The following MAP3K5 variants were observed in gnomAD, a reference collection of about 807,000 sequenced individuals.
The protein encoded by MAP3K5 is ASK-1.
A neutral mutation model predicts 158.7 loss-of-function variants in MAP3K5; 56 were observed. The ratio of observed to expected loss-of-function variants is 0.35; its 90% CI spans 0.28 to 0.44. The LOEUF (loss-of-function observed/expected upper bound fraction) is 0.44. MAP3K5 is among the 20% of genes least tolerant of loss of function. The probability of loss-of-function intolerance (pLI) is 1.00; values close to 1 mark genes in which losing one functional copy is unlikely to be tolerated. For synonymous variants in MAP3K5, 579 were observed against 601.7 expected (o/e 0.96, Z 0.55); for missense variants, 1,294 against 1,674.8 (o/e 0.77, Z 3.97).
Position 136,774,367 on chromosome 6 carries a change from T to C in MAP3K5, c.448+17343A>G, listed in dbSNP as rs182307735. 2.2e-3 allele frequency among the ~76,000 whole-genome samples: 331 copies of C among 152,166 alleles called. 2 individuals carry two copies. Among genetic ancestry groups the C allele is most frequent in the African/African-American group, 7.5e-3 (312 of 41,514 alleles). On this transcript the variant is annotated intron_variant, in intron 1 of 29. Transcript: ENST00000359015. ...TACTCAGAAGGCTGAAGTGGGAGGA[T>C]CGCCTGAGCCCAAGGAGGTTACGGC...
At chr6:136,766,680 T>C (rs1783981263) in intron 1 of MAP3K5, among the ~76,000 whole-genome samples, 1 of 152,214 alleles carries the variant, frequency 6.6e-6, no homozygotes, top group Non-Finnish European at 1.5e-5. Flanking sequence ...AGGTTTCATA[T>C]CAGATCAACA....
intron 23 of MAP3K5, among the ~76,000 whole-genome samples, chr6:136,590,503 G>C (rs1429811412): frequency 6.6e-6 from 1 of 151,792 alleles, no homozygotes; most frequent in Non-Finnish European, 1.5e-5. Context: ...CCTGGTAGGG[G>C]CCACTGTCTG....
chr6:136,661,182 A>T (rs549585480), intron 8 of MAP3K5, among the ~76,000 whole-genome samples: 1 of 152,338 alleles, frequency 6.6e-6, no homozygotes, highest in Admixed American at 6.5e-5. Context: ...ATTATCTGTG[A>T]AAGAAACAAA....
Position 136,611,475 on chromosome 6 carries a change from AAAG to A in MAP3K5, c.2416-91_2416-89del, listed in dbSNP as rs756573766. 24 of 687,442 alleles carry A rather than the reference AAAG, an allele frequency of 3.5e-5. No homozygotes were observed. In the East Asian group the frequency reaches 4.8e-4, roughly 14 times the overall value. The allele number at this position is 687,442 out of a possible 1,614,324, so 42.6% of individuals were successfully genotyped here. ...TTGGTAAGTCCAATTTAAAAAAAAA[AAAG>A]GTGTCCTTACAGCTACCAACGACAT... On this transcript the variant is annotated intron_variant, in intron 17 of 29. Coordinates refer to ENST00000359015, the MANE Select transcript of MAP3K5 (RefSeq NM_005923.4).
intron 2 of MAP3K5, among the ~76,000 whole-genome samples, chr6:136,708,680 T>C (rs947773700): frequency 4.6e-5 from 7 of 152,104 alleles, no homozygotes; most frequent in African/African-American, 1.2e-4. Flanking sequence ...ATGAGTGGCA[T>C]TGTAGAGGAA....
intron 1 of MAP3K5, among the ~76,000 whole-genome samples, chr6:136,748,194 T>A (rs2114909514): frequency 6.6e-6 from 1 of 152,332 alleles, no homozygotes; most frequent in East Asian, 1.9e-4. Context: ...TTAATCCCAC[T>A]TTTCTGAATC....
At chr6:136,669,607 T>C (rs541438545) in intron 7 of MAP3K5, among the ~76,000 whole-genome samples, 1 of 150,322 alleles carries the variant, frequency 6.7e-6, no homozygotes, top group Non-Finnish European at 1.5e-5. Context: ...TAGCTCACCC[T>C]CAACCTACCT....
At chr6:136,643,142 T>C (rs931896335) in intron 11 of MAP3K5, among the ~76,000 whole-genome samples, 1 of 152,208 alleles carries the variant, frequency 6.6e-6, no homozygotes, top group African/African-American at 2.4e-5. Flanking sequence ...CATATGCTAA[T>C]AAAGTATGAA....
At chr6:136,581,047 C>T (rs940846660) in intron 24 of MAP3K5, among the ~76,000 whole-genome samples, 1 of 152,272 alleles carries the variant, frequency 6.6e-6, no homozygotes, top group Middle Eastern at 3.4e-3. Context: ...ACTACCATCA[C>T]CGCCATCCAT....
intron 8 of MAP3K5, among the ~76,000 whole-genome samples, chr6:136,667,045 T>A (rs1779257400): frequency 6.6e-6 from 1 of 152,218 alleles, no homozygotes; most frequent in South Asian, 2.1e-4. Context: ...AATAAGTATT[T>A]ACCTTCAAAA....
chr6:136,630,867 C>T (rs1777315589), intron 14 of MAP3K5, among the ~76,000 whole-genome samples: 1 of 152,184 alleles, frequency 6.6e-6, no homozygotes, highest in South Asian at 2.1e-4. Flanking sequence ...TGGTGGCTCA[C>T]ATCTGTAATC....
chr6:136,698,578 T>C lies in MAP3K5; in HGVS notation c.717A>G (p.Gln239=). The C allele has an allele frequency of 1.9e-6, 3 of 1,614,022 alleles. No homozygotes were observed. The highest frequency in any genetic ancestry group is 2.2e-5 in the East Asian group (1 of 44,834). Residue 239 remains glutamine, a synonymous_variant, in exon 4 of 30, where the codon CAA becomes CAG. Coordinates refer to ENST00000359015, the MANE Select transcript of MAP3K5 (RefSeq NM_005923.4). ...SFMKGLTELM[Q]PNFELLLGPI... ...GTCCAAGAAGCAGCTCGAAGTTCGGTTGCATGAGCTCTGTCAACCCCTTCA... is the reference window on the plus strand; with the variant it reads ...GTCCAAGAAGCAGCTCGAAGTTCGGCTGCATGAGCTCTGTCAACCCCTTCA...
intron 1 of MAP3K5, among the ~76,000 whole-genome samples, chr6:136,735,311 G>C (rs919340955): frequency 6.6e-6 from 1 of 152,160 alleles, no homozygotes; most frequent in Non-Finnish European, 1.5e-5. Context: ...GAGAAGAGGA[G>C]ATGAAAGTAG....
intron 15 of MAP3K5, among the ~76,000 whole-genome samples, chr6:136,616,705 T>G (rs188004389): frequency 1.1e-3 from 165 of 145,934 alleles, no homozygotes; most frequent in Middle Eastern, 3.4e-3. Context: ...AGTAACTCGA[T>G]GATGATGATG....
intron 1 of MAP3K5, among the ~76,000 whole-genome samples, chr6:136,766,127 G>T (rs1382504189): frequency 1.3e-5 from 2 of 152,212 alleles, no homozygotes; most frequent in Non-Finnish European, 2.9e-5. Flanking sequence ...CATGGAAGCT[G>T]CAGGTAAAGC....
At chr6:136,696,778 A>G (rs913079897) in intron 5 of MAP3K5, among the ~76,000 whole-genome samples, 7 of 152,226 alleles carry the variant, frequency 4.6e-5, no homozygotes, top group Admixed American at 2.0e-4. Flanking sequence ...AATCAATTAC[A>G]TATTTTTTCC....
chr6:136,605,337 T>C lies in MAP3K5; in HGVS notation c.2551A>G (p.Ile851Val), dbSNP rs987623663. Residue 851 changes from isoleucine to valine, a missense_variant, in exon 19 of 30, where the codon ATA becomes GTA. Around this residue, in one of 5 missense-constraint regions of MAP3K5, gnomAD observed 362 missense variants for 463.2 expected, o/e 0.78. Coordinates refer to ENST00000359015, the MANE Select transcript of MAP3K5 (RefSeq NM_005923.4). ...CCGTAGCCTCTTGGTCCTTTATCTATTATTTCTGGTGCCATATACTGGAGG... is the reference window on the plus strand; with the variant it reads ...CCGTAGCCTCTTGGTCCTTTATCTACTATTTCTGGTGCCATATACTGGAGG... ...GTLQYMAPEIIDKGPRGYGKA... is the reference protein window; with the variant it reads ...GTLQYMAPEIVDKGPRGYGKA... The C allele has an allele frequency of 6.2e-7, 1 of 1,613,912 alleles. No homozygotes were observed. The highest frequency in any genetic ancestry group is 8.5e-7 in the Non-Finnish European group (1 of 1,179,970).
At chr6:136,688,708 T>C (rs1780260096) in intron 7 of MAP3K5, among the ~76,000 whole-genome samples, 1 of 152,144 alleles carries the variant, frequency 6.6e-6, no homozygotes, top group South Asian at 2.1e-4. Flanking sequence ...AAGCTCTCAG[T>C]CTTCTAAATT....
chr6:136,588,780 T>C (rs1775251023), intron 23 of MAP3K5, among the ~76,000 whole-genome samples: 2 of 152,322 alleles, frequency 1.3e-5, no homozygotes, highest in South Asian at 4.1e-4. Context: ...AGAAAGCTGA[T>C]GGCTCGAGAC....
Sources: gnomAD v4.1 joint callset for allele counts (sites outside exome capture counted in the v4.1 genomes callset) on GRCh38, gnomAD v4.1.1 for gene constraint, gnomAD v4.1.1 regional missense constraint, MANE v1.5 for transcripts, NCBI Gene and HGNC (gene_info 2026-07-23, HGNC 2026-07-21) for gene names.